FANCA: variants seen among roughly 807,000 people sequenced by gnomAD.
The protein encoded by FANCA is Fanconi anemia group A protein.
In FANCA, 236 loss-of-function variants were observed where a neutral mutation model predicts 194.3. The ratio of observed to expected loss-of-function variants is 1.21; its 90% CI spans 1.09 to 1.35. FANCA has a LOEUF of 1.35. Among genes scored for constraint, FANCA ranks in the 40% most tolerant of loss-of-function variants. The pLI, the probability that FANCA is intolerant of heterozygous loss-of-function variation, is 0.00. For synonymous variants in FANCA, 1,014 were observed against 715.8 expected (o/e 1.42, Z -6.65); for missense variants, 2,628 against 1,813.9 (o/e 1.45, Z -8.15).
rs187791912 is a variant in FANCA, at chr16:89,768,338, A to G, written c.2505-1101T>C. ...GCAATGGAGATGTCAAAGCACTGTCATGGTGTTCTTACAGTTCTAATACTT... is the reference window on the plus strand; with the variant it reads ...GCAATGGAGATGTCAAAGCACTGTCGTGGTGTTCTTACAGTTCTAATACTT... On this transcript the variant is annotated intron_variant, in intron 26 of 42. Transcript: ENST00000389301. Among the ~76,000 whole-genome samples the G allele has an allele frequency of 3.3e-5, 5 of 152,362 alleles. No individual in the cohort carries two copies. In the East Asian group the frequency reaches 7.7e-4, roughly 23 times the overall value.
intron 15 of FANCA, 73 bp downstream of exon 15, chr16:89,784,781 G>A (rs538171789): frequency 2.5e-6 from 3 of 1,184,764 alleles, no homozygotes; most frequent in Admixed American, 1.7e-5. Context: ...CTCTTGGGGA[G>A]GCCAAGGCAG....
intron 29 of FANCA, among the ~76,000 whole-genome samples, chr16:89,761,097 G>A (rs1235525243): frequency 6.6e-6 from 1 of 152,178 alleles, no homozygotes; most frequent in Non-Finnish European, 1.5e-5. Flanking sequence ...CTCAGTAAAT[G>A]TTTCTTAAAT....
At chr16:89,813,833 TC>T (rs1567656895) in intron 3 of FANCA, among the ~76,000 whole-genome samples, 1 of 151,412 alleles carries the variant, frequency 6.6e-6, no homozygotes, top group African/African-American at 2.4e-5. Context: ...TGTGTGTGTG[TC>T]CGTGTGCACG....
intron 17 of FANCA, among the ~76,000 whole-genome samples, chr16:89,780,239 G>A (rs977074636): frequency 2.0e-5 from 3 of 152,148 alleles, no homozygotes; most frequent in African/African-American, 4.8e-5. Context: ...CTGAGAGCCT[G>A]CCGTGAGCCT....
In FANCA at chr16:89,815,976, G is replaced by C. The variant is rs532713581; in HGVS notation, c.90C>G (p.Val30=). 129 of 1,613,236 alleles carry C rather than the reference G, an allele frequency of 8.0e-5. 1 individual carries two copies. Among genetic ancestry groups the C allele is most frequent in the South Asian group, 3.8e-4 (35 of 91,066 alleles). The stretch of plus-strand genomic sequence containing the variant: ...TTTCAGGATTATATTTTTCCCTCTT[G>C]ACCCTTCCCGCTACGGAGAGAAGTC... The part of the protein sequence containing the change: ...RAWAELLAGR[V]KREKYNPERA... Residue 30 remains valine (V), a synonymous_variant, in exon 2 of 43, where the codon GTC becomes GTG. Transcript: ENST00000389301.
intron 13 of FANCA, 113 bp downstream of exon 13, chr16:89,791,814 G>C: frequency 7.3e-7 from 1 of 1,376,666 alleles, no homozygotes; most frequent in Non-Finnish European, 1.0e-6. Context: ...GCAGGTTCCG[G>C]GCAGGTAGGG....
Position 89,738,144 on chromosome 16 carries a change from G to C in FANCA, c.*457C>G, listed in dbSNP as rs1220214389. 2 of 1,613,686 alleles carry C rather than the reference G, an allele frequency of 1.2e-6. No individual in the cohort carries two copies. ...TGTCCATGGTGCACCCGCTGACACA[G>C]ACCCAGGACAAGGCCCTGCCCCTGG... On this transcript the variant is annotated 3_prime_UTR_variant, in exon 43 of 43. Transcript: ENST00000389301.
At chr16:89,793,283 A>T (rs1206680559) in intron 11 of FANCA, among the ~76,000 whole-genome samples, 1 of 152,164 alleles carries the variant, frequency 6.6e-6, no homozygotes, top group Non-Finnish European at 1.5e-5. Context: ...CGTCACCGCT[A>T]GACCAAGGAG....
Position 89,759,669 on chromosome 16 carries a change from G to C in FANCA, c.2853-964C>G, listed in dbSNP as rs572414103. On this transcript the variant is annotated intron_variant, in intron 29 of 42. Transcript: ENST00000389301. ...CCAGCTACTCAGGAGGCTGAGGCAG[G>C]AGGATCACTCGAGCTCTGGAGAGGG... 1.1e-4 allele frequency among the ~76,000 whole-genome samples: 17 copies of C among 152,296 alleles called. No homozygotes were observed. The East Asian group carries it at 3.3e-3, about 29-fold the overall frequency.
At chr16:89,799,821 G>A (rs1022479360) in intron 8 of FANCA, among the ~76,000 whole-genome samples, 183 bp from the exon 9 acceptor site, 7 of 152,118 alleles carry the variant, frequency 4.6e-5, no homozygotes, top group Admixed American at 2.6e-4. Context: ...GTGAAACCCC[G>A]TCTCTACTAA....
At chr16:89,740,288 G>T (rs1177543932) in intron 38 of FANCA, 189 bp from the exon 39 acceptor site, 1 of 613,340 alleles carries the variant, frequency 1.6e-6, no homozygotes, top group African/African-American at 1.8e-5. Context: ...AGGAGGCCAG[G>T]GACTTCGAGC....
intron 39 of FANCA, 167 bp from the exon 40 acceptor site, chr16:89,739,720 G>C (rs2062077150): frequency 2.7e-6 from 4 of 1,507,150 alleles, no homozygotes; most frequent in Admixed American, 2.0e-5. Flanking sequence ...CAGCAGCTGG[G>C]AGAGGATGGG....
chr16:89,779,113 C>T, intron 18 of FANCA, 110 bp from the exon 19 acceptor site: 1 of 977,748 alleles, frequency 1.0e-6, no homozygotes, highest in East Asian at 2.6e-5. Flanking sequence ...ACTCCAAAGC[C>T]ACGATGCATT....
chr16:89,810,493 T>G, intron 5 of FANCA: 1 of 564,542 alleles, frequency 1.8e-6, no homozygotes, highest in Non-Finnish European at 3.2e-6. Context: ...TAATAAATAT[T>G]ACTAATGATA....
At chr16:89,797,332 A>G (rs1052035375) in intron 10 of FANCA, among the ~76,000 whole-genome samples, 1 of 152,070 alleles carries the variant, frequency 6.6e-6, no homozygotes, top group Non-Finnish European at 1.5e-5. Flanking sequence ...CTCTGTCTCA[A>G]AAAAATAAAG....
chr16:89,738,681 G>C lies in FANCA; in HGVS notation c.4288C>G (p.Pro1430Ala), dbSNP rs2062031057. The C allele has an allele frequency of 1.2e-6, 2 of 1,613,838 alleles. No individual in the cohort carries two copies. Among genetic ancestry groups the C allele is most frequent in the Non-Finnish European group, 1.7e-6 (2 of 1,180,024 alleles). Residue 1430 changes from proline to alanine, a missense_variant, in exon 43 of 43, where the codon CCA becomes GCA. Physicochemically the swap from Pro to Ala is conservative, Grantham distance 27. Transcript: ENST00000389301. ...CTCTGGAGGGCGGCGCTCACCTCTG[G>C]GTCGCAGTCCCCACGATCAGCCAGC... is the stretch of plus-strand genomic sequence containing the variant. ...ELLADRGDCD[P>A]EVSAALQSRQ...
chr16:89,770,023 C>G lies in FANCA; in HGVS notation c.2318G>C (p.Gly773Ala). The G allele has an allele frequency of 6.2e-7, 1 of 1,613,158 alleles. No homozygotes were observed. The highest frequency in any genetic ancestry group is 1.3e-5 in the African/African-American group (1 of 75,060). Reference sequence around the variant, plus strand: ...CACATGTGGGGCACTCAGGCTCGGGCCCTGCAACGAGAATGAGGGTGGCAG... The same window carrying G: ...CACATGTGGGGCACTCAGGCTCGGGGCCTGCAACGAGAATGAGGGTGGCAG... Reference protein sequence around the residue: ...TRLCQLLRHQGPSLSAPHVLG... With the variant: ...TRLCQLLRHQAPSLSAPHVLG... The change falls in exon 26 of 43, where the codon GGC (glycine) becomes GCC (alanine). Residue 773 changes from glycine (G) to alanine (A), a missense_variant and splice_region_variant. Coordinates refer to ENST00000389301, the MANE Select transcript of FANCA (RefSeq NM_000135.4).
At chr16:89,775,842 A>C (rs765920559) in intron 20 of FANCA, 27 bp from the exon 21 acceptor site, 91 of 1,511,990 alleles carry the variant, frequency 6.0e-5, no homozygotes, top group Non-Finnish European at 7.8e-5. Context: ...CAATACAATT[A>C]AGTCAGCTAT....
intron 18 of FANCA, among the ~76,000 whole-genome samples, chr16:89,779,386 A>G (rs1157784569): frequency 6.6e-6 from 1 of 152,036 alleles, no homozygotes; most frequent in Non-Finnish European, 1.5e-5. Context: ...TTGAGATCAT[A>G]CCAAATTCAA....
Sources: allele counts gnomAD v4.1 joint callset (sites outside exome capture counted in the v4.1 genomes callset), GRCh38; gene constraint gnomAD v4.1.1; transcripts MANE v1.5; gene names NCBI Gene and HGNC (gene_info 2026-07-23, HGNC 2026-07-21).